The following KRT17 variants were observed in gnomAD, a reference collection of about 807,000 sequenced individuals.
KRT17 encodes keratin, type I cytoskeletal 17.
A neutral mutation model predicts 45.6 loss-of-function variants in KRT17; 29 were observed. That is an observed-to-expected ratio of 0.64 (90% confidence interval 0.47 to 0.87). The LOEUF is 0.87. Among genes scored for constraint, KRT17 ranks in the 40% least tolerant of loss-of-function variants. The pLI, the probability that KRT17 is intolerant of heterozygous loss-of-function variation, is 0.00. For missense variants in KRT17, 536 were observed against 577.8 expected, an observed-to-expected ratio of 0.93 and a Z score of 0.74; for synonymous variants, 219 against 234.6, an observed-to-expected ratio of 0.93 and a Z score of 0.61.
In KRT17 at chr17:41,620,848, G is replaced by A. The variant is rs1448988534; in HGVS notation, c.992C>T (p.Thr331Ile). The change falls in exon 6 of 8, where the codon ACA becomes ATA. Residue 331 changes from threonine to isoleucine, a missense_variant. By Grantham distance (89) the Thr-to-Ile change is moderately conservative (BLOSUM62 -1). Transcript: ENST00000311208. Reference protein sequence around the residue: ...KASLEGNLAETENRYCVQLSQ... With the variant: ...KASLEGNLAEIENRYCVQLSQ... Reference sequence around the variant, plus strand: ...CAGCTGCACGCAGTAGCGGTTCTCTGTCTCCGCCAGGTTGCCCTCCAGGGA... The same window carrying A: ...CAGCTGCACGCAGTAGCGGTTCTCTATCTCCGCCAGGTTGCCCTCCAGGGA... The A allele has an allele frequency of 1.9e-6, 3 of 1,613,766 alleles. No individual in the cohort carries two copies.
In KRT17 at chr17:41,621,683, G is replaced by A; in HGVS notation, c.744C>T (p.Asp248=). Residue 248 remains aspartate (D), a synonymous_variant, in exon 4 of 8, where the codon GAC becomes GAT. Transcript: ENST00000311208. ...NVEMDAAPGV[D]LSRILNEMRD... is the part of the protein sequence containing the mutation. ...GCATCTCGTTGAGGATGCGGCTCAGGTCCACGCCTGGGGCAGCGTCCATCT... is the reference window on the plus strand; with the variant it reads ...GCATCTCGTTGAGGATGCGGCTCAGATCCACGCCTGGGGCAGCGTCCATCT... 1 of 1,612,240 alleles carries A rather than the reference G, an allele frequency of 6.2e-7. No individual in the cohort carries two copies. The highest frequency in any genetic ancestry group is 8.5e-7 in the Non-Finnish European group (1 of 1,179,864).
intron 1 of KRT17, 103 bp from the exon 2 acceptor site, chr17:41,623,135 G>T: frequency 1.1e-6 from 1 of 888,554 alleles, no homozygotes; most frequent in Non-Finnish European, 1.9e-6. Flanking sequence ...TTCTCGCCCA[G>T]CCCCTCCCTT....
intron 1 of KRT17, 23 bp downstream of exon 1, chr17:41,624,043 GCCCCCCGGAGAC>G: frequency 6.2e-7 from 1 of 1,611,422 alleles, no homozygotes; most frequent in South Asian, 1.1e-5. Context: ...AAGAAGTCAT[GCCCCCCGGAGAC>G]CCCTCCCACC....
Position 41,619,535 on chromosome 17 carries a change from G to T in KRT17, c.*59C>A. 1 of 1,611,424 alleles carries T rather than the reference G, an allele frequency of 6.2e-7. No homozygotes were observed. ...GAGGCTGGAGAGGCCGGAGACTGTG[G>T]GGCAGATGGGGCGGCTGCCTCCCTG... On this transcript the variant is annotated 3_prime_UTR_variant, in exon 8 of 8. Transcript: ENST00000311208.
chr17:41,619,656 C>T lies in KRT17; in HGVS notation c.1237G>A (p.Glu413Lys), dbSNP rs773785522. 3 of 1,612,194 alleles carry T rather than the reference C, an allele frequency of 1.9e-6. No homozygotes were observed. The highest frequency in any genetic ancestry group is 2.5e-6 in the Non-Finnish European group (3 of 1,180,010). ...VTTRQVRTIV[E>K]EVQDGKVISS... Reference sequence around the variant, plus strand: ...ATGACCTTGCCATCCTGGACCTCTTCCACAATGGTACGCACCTGACGGGTG... The same window carrying T: ...ATGACCTTGCCATCCTGGACCTCTTTCACAATGGTACGCACCTGACGGGTG... Residue 413 changes from glutamate to lysine, a missense_variant, in exon 8 of 8, where the codon GAA (glutamate) becomes AAA (lysine). Coordinates refer to ENST00000311208, the MANE Select transcript of KRT17 (RefSeq NM_000422.3).
At chr17:41,620,186 G>A (rs960282117) in intron 7 of KRT17, 8 of 985,248 alleles carry the variant, frequency 8.1e-6, no homozygotes, top group Middle Eastern at 1.0e-3. Flanking sequence ...AGACCCCAGA[G>A]ACAGGACTGT....
rs144060457 is a variant in KRT17 at position 41,619,738 on chromosome 17, G to A, written c.1205-50C>T. The A allele has an allele frequency of 5.3e-3, 8,616 of 1,611,158 alleles. 396 individuals carry two copies. In the African/African-American group the frequency reaches 0.1, roughly 19 times the overall value. On this transcript the variant is annotated intron_variant, in intron 7 of 7. Coordinates refer to ENST00000311208, the MANE Select transcript of KRT17 (RefSeq NM_000422.3). ...AGTGGGTAGGGGCCAGGAGGCCCTC[G>A]CTTGCCCCCTAGCCCTCATGGACAG...
In KRT17 at chr17:41,624,200, C is replaced by T. The variant is rs760468628; in HGVS notation, c.310G>A (p.Ala104Thr). Residue 104 changes from alanine (A) to threonine (T), a missense_variant, in exon 1 of 8, where the codon GCC becomes ACC. Coordinates refer to ENST00000311208, the MANE Select transcript of KRT17 (RefSeq NM_000422.3). The stretch of plus-strand genomic sequence containing the variant: ...AGCTCAGTGTTGGCCTCCTCCAGGG[C>T]ACGCACCTTGTCCAGGTAGGAGGCC... ...RLASYLDKVR[A>T]LEEANTELEV... 1.2e-6 allele frequency: 2 copies of T among 1,612,708 alleles called. No homozygotes were observed. Among genetic ancestry groups the T allele is most frequent in the South Asian group, 1.1e-5 (1 of 91,020 alleles).
chr17:41,621,788 G>T, intron 3 of KRT17, 34 bp from the exon 4 acceptor site: 1 of 1,611,524 alleles, frequency 6.2e-7, no homozygotes, highest in Non-Finnish European at 8.5e-7. Flanking sequence ...GTGCGCATCT[G>T]GACCCATCCT....
intron 1 of KRT17, 25 bp from the exon 2 acceptor site, chr17:41,623,057 G>A: frequency 1.3e-6 from 2 of 1,569,412 alleles, no homozygotes; most frequent in Non-Finnish European, 1.8e-6. Flanking sequence ...GAGTAGTCAG[G>A]TCATTGGATG....
At chr17:41,623,709 C>G (rs1292041833) in intron 1 of KRT17, among the ~76,000 whole-genome samples, 1 of 152,110 alleles carries the variant, frequency 6.6e-6, no homozygotes, top group African/African-American at 2.4e-5. Context: ...ACCCAAAACC[C>G]CCTCCTGTTG....
chr17:41,620,285 T>G lies in KRT17; in HGVS notation c.1204+251A>C, dbSNP rs530746412. 143 of 985,378 alleles carry G rather than the reference T, an allele frequency of 1.5e-4. No individual in the cohort carries two copies. The African/African-American group carries it at 2.3e-3, about 16-fold the overall frequency. The allele number at this position is 985,378 out of a possible 1,614,324, so 61.0% of individuals were successfully genotyped here. On this transcript the variant is annotated intron_variant, in intron 7 of 7. Transcript: ENST00000311208. The stretch of plus-strand genomic sequence containing the variant: ...GATGACAATCTCCAGAGCTGGGACC[T>G]GTCTCCTCCATCAGACTAGGATCTC...
rs1268921564 is a variant in KRT17 at position 41,620,730 on chromosome 17, C to G, written c.1110G>C (p.Leu370=). ...MEQQNQEYKI[L]LDVKTRLEQE... is the part of the protein sequence containing the mutation. Reference sequence around the variant, plus strand: ...GCTCCAGCCGCGTCTTCACATCCAGCAGGATTTTGTATTCCTGGTTCTGCT... The same window carrying G: ...GCTCCAGCCGCGTCTTCACATCCAGGAGGATTTTGTATTCCTGGTTCTGCT... Residue 370 remains leucine (L), a synonymous_variant, in exon 6 of 8, where the codon CTG becomes CTC. Coordinates refer to ENST00000311208, the MANE Select transcript of KRT17 (RefSeq NM_000422.3). 6.2e-7 allele frequency: 1 copy of G among 1,612,350 alleles called. No homozygotes were observed. Among genetic ancestry groups the G allele is most frequent in the South Asian group, 1.1e-5 (1 of 90,996 alleles).
intron 7 of KRT17, chr17:41,619,919 A>G: frequency 1.0e-6 from 1 of 985,286 alleles, no homozygotes; most frequent in Non-Finnish European, 1.2e-6. Context: ...GCCTCCCCAG[A>G]TGGGTTATTT....
At position 41,622,491 on chromosome 17, in the gene KRT17, A is replaced by G. The variant is rs1314445903; in HGVS notation, c.536T>C (p.Leu179Pro). 6.2e-7 allele frequency: 1 copy of G among 1,613,600 alleles called. No homozygotes were observed. The highest frequency in any genetic ancestry group is 8.5e-7 in the Non-Finnish European group (1 of 1,180,042). Residue 179 changes from leucine to proline, a missense_variant, in exon 3 of 8, where the codon CTG becomes CCG. By Grantham distance (98) the Leu-to-Pro change is moderately conservative. Coordinates refer to ENST00000311208, the MANE Select transcript of KRT17 (RefSeq NM_000422.3). ...FRTKFETEQA[L>P]RLSVEADING... Reference sequence around the variant, plus strand: ...GATGTCGGCCTCCACACTCAGGCGCAGGGCCTGCTCTGTCTCAAACCTGCC... The same window carrying G: ...GATGTCGGCCTCCACACTCAGGCGCGGGGCCTGCTCTGTCTCAAACCTGCC...
Position 41,624,502 on chromosome 17 carries a change from G to A in KRT17, c.8C>T (p.Thr3Ile). The A allele has an allele frequency of 6.2e-7, 1 of 1,609,890 alleles. No homozygotes were observed. The highest frequency in any genetic ancestry group is 8.5e-7 in the Non-Finnish European group (1 of 1,179,326). Residue 3 changes from threonine (T) to isoleucine (I), a missense_variant, in exon 1 of 8, where the codon ACC becomes ATC. Coordinates refer to ENST00000311208, the MANE Select transcript of KRT17 (RefSeq NM_000422.3). ...GGAGGAGGTGAACTGGCGGATGGAGGTGGTCATGGTGGCGGCGGCAGGAGG... is the reference window on the plus strand; with the variant it reads ...GGAGGAGGTGAACTGGCGGATGGAGATGGTCATGGTGGCGGCGGCAGGAGG... MT[T>I]SIRQFTSSSS...
chr17:41,622,232 C>T, intron 3 of KRT17, 123 bp downstream of exon 3: 2 of 1,302,876 alleles, frequency 1.5e-6, no homozygotes, highest in Admixed American at 3.4e-5. Flanking sequence ...CAGGGAAGCC[C>T]TCTAAGGTGA....
In KRT17 at chr17:41,621,575, G is replaced by T; in HGVS notation, c.834+18C>A. On this transcript the variant is annotated intron_variant, in intron 4 of 7. Coordinates refer to ENST00000311208, the MANE Select transcript of KRT17 (RefSeq NM_000422.3). ...CCCCAGCCCCTAAGAGAGCCCTCTG[G>T]CCTGCAGCACCCCCCACCTTGCTGA... is the stretch of plus-strand genomic sequence containing the variant. 2 of 1,611,960 alleles carry T rather than the reference G, an allele frequency of 1.2e-6. No individual in the cohort carries two copies. Among genetic ancestry groups the T allele is most frequent in the Non-Finnish European group, 1.7e-6 (2 of 1,179,816 alleles).
intron 1 of KRT17, 98 bp from the exon 2 acceptor site, chr17:41,623,130 GCCCAGCCCCT>G: frequency 2.2e-6 from 2 of 919,572 alleles, no homozygotes; most frequent in Non-Finnish European, 1.8e-6. Context: ...CTCTCTTCTC[GCCCAGCCCCT>G]CCCTTGCCCC....
Sources: gnomAD v4.1 joint callset for allele counts (sites outside exome capture counted in the v4.1 genomes callset) on GRCh38, gnomAD v4.1.1 for gene constraint, MANE v1.5 for transcripts, NCBI Gene and HGNC (gene_info 2026-07-23, HGNC 2026-07-21) for gene names.